Variants in OIT3 observed in about 807,000 individuals in gnomAD.
The protein encoded by OIT3 is oncoprotein-induced transcript 3 protein.
In OIT3, 41 loss-of-function variants were observed where a neutral mutation model predicts 52.2. The observed-to-expected ratio is 0.79, with a 90% CI of 0.61 to 1.02. The LOEUF is 1.02. Among genes scored for constraint, OIT3 ranks in the 50% least tolerant of loss-of-function variants. The pLI is 0.00. For synonymous variants in OIT3, 244 were observed against 276.9 expected (o/e 0.88, Z 1.18); for missense variants, 634 against 715.5 (o/e 0.89, Z 1.30).
At chr10:72,917,530 G>A (rs1044097117) in intron 6 of OIT3, 9 of 609,558 alleles carry the variant, frequency 1.5e-5, no homozygotes, top group East Asian at 2.8e-5. Context: ...ATCAAACATG[G>A]TAGGGAAAGT....
intron 6 of OIT3, among the ~76,000 whole-genome samples, chr10:72,919,030 C>T (rs923412997): frequency 6.6e-6 from 1 of 152,296 alleles, no homozygotes; most frequent in African/African-American, 2.4e-5. Flanking sequence ...AATGGGAAAG[C>T]AGTGAGTCTA....
chr10:72,930,594 A>G lies in OIT3; in HGVS notation c.1424A>G (p.His475Arg), dbSNP rs1357533619. 6.2e-7 allele frequency: 1 copy of G among 1,613,552 alleles called. No individual in the cohort carries two copies. Among genetic ancestry groups the G allele is most frequent in the South Asian group, 1.1e-5 (1 of 91,004 alleles). Reference protein sequence around the residue: ...QYTSRDHLAKHFQVPVFKFVG... With the variant: ...QYTSRDHLAKRFQVPVFKFVG... ...ACATCCCGGGATCACCTAGCAAAGC[A>G]CTTCCAGGTCCCTGTCTTCAAGTTT... The change falls in exon 8 of 9, where the codon CAC becomes CGC. Residue 475 changes from histidine (H) to arginine (R), a missense_variant. By Grantham distance (29) the His-to-Arg change is conservative. Coordinates refer to ENST00000334011, the MANE Select transcript of OIT3 (RefSeq NM_152635.3).
chr10:72,897,796 C>A (rs920182592), intron 1 of OIT3, among the ~76,000 whole-genome samples: 3 of 152,200 alleles, frequency 2.0e-5, no homozygotes, highest in Non-Finnish European at 2.9e-5. Context: ...TCCCATAATT[C>A]ATTCTTGTTC....
At position 72,894,795 on chromosome 10, in the gene OIT3, G is replaced by A. The variant is rs142976944; in HGVS notation, c.61+936G>A. Reference sequence around the variant, plus strand: ...TCCAGCTACTTGGGAGGCTGAGGCGGGAGAATCACTTGAACTCGGGATGTG... The same window carrying A: ...TCCAGCTACTTGGGAGGCTGAGGCGAGAGAATCACTTGAACTCGGGATGTG... On this transcript the variant is annotated intron_variant, in intron 1 of 8. Coordinates refer to ENST00000334011, the MANE Select transcript of OIT3 (RefSeq NM_152635.3). Among the ~76,000 whole-genome samples, 25 of 152,184 alleles carry A rather than the reference G, an allele frequency of 1.6e-4. No individual in the cohort carries two copies. In the East Asian group the frequency reaches 4.8e-3, roughly 29 times the overall value.
chr10:72,924,428 A>C lies in OIT3; in HGVS notation c.1151A>C (p.His384Pro). Residue 384 changes from histidine to proline, a missense_variant, in exon 7 of 9, where the codon CAT becomes CCT. By Grantham distance (77) the His-to-Pro change is moderately conservative. Transcript: ENST00000334011. ...CCACTGGAAATCATGAGCCGAAATC[A>C]TGGGATCTTCCCATTCACTCTGGAG... ...NSPLEIMSRN[H>P]GIFPFTLEIF... The C allele has an allele frequency of 1.2e-6, 2 of 1,614,174 alleles. No homozygotes were observed. The highest frequency in any genetic ancestry group is 1.3e-5 in the African/African-American group (1 of 75,042).
At chr10:72,929,123 GT>G (rs568885582) in intron 7 of OIT3, among the ~76,000 whole-genome samples, 44 of 151,948 alleles carry the variant, frequency 2.9e-4, no homozygotes, top group African/African-American at 1.0e-3. Context: ...AATTGCTTGA[GT>G]TTAGGAGGTC....
rs1845901177 is a variant in OIT3, at chr10:72,898,895, G to A, written c.293G>A (p.Gly98Asp). 1 of 1,614,202 alleles carries A rather than the reference G, an allele frequency of 6.2e-7. No individual in the cohort carries two copies. The highest frequency in any genetic ancestry group is 8.5e-7 in the Non-Finnish European group (1 of 1,180,046). Residue 98 changes from glycine to aspartate, a missense_variant, in exon 2 of 9, where the codon GGC becomes GAC. Gly to Asp is a moderately conservative substitution (Grantham distance 94). Coordinates refer to ENST00000334011, the MANE Select transcript of OIT3 (RefSeq NM_152635.3). ...GGCAGCCACCCCCTAGAAGGCGACG[G>A]CATTGTGCAACGCCAGGCTTGTGCC... is the stretch of plus-strand genomic sequence containing the variant. Reference protein sequence around the residue: ...LNGSHPLEGDGIVQRQACASF... With the variant: ...LNGSHPLEGDDIVQRQACASF...
In OIT3 at chr10:72,932,542, A is replaced by T; in HGVS notation, c.*18A>T. ...AGGACTAGTTCGTAGCCATACCTCGAGTCCCTGCATTGGACGGCTCTGCTC... is the reference window on the plus strand; with the variant it reads ...AGGACTAGTTCGTAGCCATACCTCGTGTCCCTGCATTGGACGGCTCTGCTC... On this transcript the variant is annotated 3_prime_UTR_variant, in exon 9 of 9. Coordinates refer to ENST00000334011, the MANE Select transcript of OIT3 (RefSeq NM_152635.3). The T allele has an allele frequency of 6.3e-7, 1 of 1,577,800 alleles. No individual in the cohort carries two copies. Among genetic ancestry groups the T allele is most frequent in the South Asian group, 1.2e-5 (1 of 84,830 alleles).
At chr10:72,912,264 TTTTTTTTC>T (rs1846035626) in intron 5 of OIT3, among the ~76,000 whole-genome samples, 2 of 133,978 alleles carry the variant, frequency 1.5e-5, no homozygotes, top group African/African-American at 7.8e-5. Context: ...AATCTAATTC[TTTTTTTTC>T]TTTTTTTTTT....
In OIT3 at chr10:72,899,009, C is replaced by G; in HGVS notation, c.407C>G (p.Pro136Arg). 6.2e-7 allele frequency: 1 copy of G among 1,611,656 alleles called. No homozygotes were observed. Among genetic ancestry groups the G allele is most frequent in the Non-Finnish European group, 8.5e-7 (1 of 1,178,162 alleles). ...TACTATGTGTATCGTCTGACCAAGC[C>G]CAGCGTCTGCTTCCACGTCTACTGT... is the stretch of plus-strand genomic sequence containing the variant. ...GGYYVYRLTK[P>R]SVCFHVYCGH... Residue 136 changes from proline to arginine, a missense_variant, in exon 2 of 9, where the codon CCC (proline) becomes CGC (arginine). Pro to Arg is a moderately radical substitution (Grantham distance 103). Coordinates refer to ENST00000334011, the MANE Select transcript of OIT3 (RefSeq NM_152635.3).
At chr10:72,894,049 G>T (rs768707512) in intron 1 of OIT3, among the ~76,000 whole-genome samples, 190 bp downstream of exon 1, 12 of 152,190 alleles carry the variant, frequency 7.9e-5, no homozygotes, top group Non-Finnish European at 1.6e-4. Flanking sequence ...TTAGCCTCTT[G>T]CCTGGACTCC....
intron 7 of OIT3, among the ~76,000 whole-genome samples, chr10:72,929,470 CA>C (rs1846196484): frequency 6.6e-6 from 1 of 151,774 alleles, no homozygotes; most frequent in Non-Finnish European, 1.5e-5. Flanking sequence ...TCAGCTGGGG[CA>C]AATATGGCTC....
At chr10:72,917,286 A>G (rs1164673890) in intron 6 of OIT3, among the ~76,000 whole-genome samples, 1 of 151,682 alleles carries the variant, frequency 6.6e-6, no homozygotes, top group Non-Finnish European at 1.5e-5. Context: ...GGATTTTTAT[A>G]GTTTTGGGTT....
intron 4 of OIT3, among the ~76,000 whole-genome samples, chr10:72,909,767 T>C (rs1261739226): frequency 6.6e-6 from 1 of 151,808 alleles, no homozygotes; most frequent in Non-Finnish European, 1.5e-5. Flanking sequence ...CTGCTAATTT[T>C]TTTTGTATTT....
chr10:72,912,641 T>C (rs11000445), intron 5 of OIT3, among the ~76,000 whole-genome samples: 37,956 of 152,038 alleles, frequency 0.25, 10,914 homozygotes, highest in African/African-American at 0.7. Context: ...GCACCTATTT[T>C]TGATTTCTTT....
At position 72,924,391 on chromosome 10, in the gene OIT3, C is replaced by T; in HGVS notation, c.1114C>T (p.Leu372Phe). The T allele has an allele frequency of 6.2e-7, 1 of 1,614,146 alleles. No homozygotes were observed. The highest frequency in any genetic ancestry group is 1.3e-5 in the African/African-American group (1 of 75,040). Reference protein sequence around the residue: ...YTISEGYVPNLRNSPLEIMSR... With the variant: ...YTISEGYVPNFRNSPLEIMSR... The stretch of plus-strand genomic sequence containing the variant: ...CATTTCTGAAGGATACGTTCCCAAC[C>T]TTCGAAACTCCCCACTGGAAATCAT... Residue 372 changes from leucine to phenylalanine, a missense_variant, in exon 7 of 9, where the codon CTT becomes TTT. By Grantham distance (22) the Leu-to-Phe change is conservative. Transcript: ENST00000334011.
chr10:72,898,469 A>G (rs1484805604), intron 1 of OIT3, among the ~76,000 whole-genome samples, 195 bp from the exon 2 acceptor site: 1 of 152,232 alleles, frequency 6.6e-6, no homozygotes, highest in Non-Finnish European at 1.5e-5. Flanking sequence ...GGTTTGAAAT[A>G]CTTTTGAAAA....
chr10:72,921,239 A>G (rs958687849), intron 6 of OIT3, among the ~76,000 whole-genome samples: 3 of 152,150 alleles, frequency 2.0e-5, no homozygotes, highest in African/African-American at 4.8e-5. Context: ...CTAGGATTGC[A>G]ACTCTTGCTT....
chr10:72,924,177 T>C lies in OIT3; in HGVS notation c.952-52T>C. 2.7e-6 allele frequency: 4 copies of C among 1,475,666 alleles called. No individual in the cohort carries two copies. The South Asian group carries it at 5.3e-5, about 19-fold the overall frequency. The allele number at this position is 1,475,666 out of a possible 1,614,324, so 91.4% of individuals were successfully genotyped here. On this transcript the variant is annotated intron_variant, in intron 6 of 8. Transcript: ENST00000334011. ...AGGTGAGAGGAGGGGGAAAAAAAAC[T>C]GTAGAAACAAACAGACAATCTCTTT...
Sources: allele counts gnomAD v4.1 joint callset (sites outside exome capture counted in the v4.1 genomes callset), GRCh38; gene constraint gnomAD v4.1.1; transcripts MANE v1.5; gene names NCBI Gene and HGNC (gene_info 2026-07-23, HGNC 2026-07-21).